The following SLX9 variants were observed in gnomAD, a reference collection of about 807,000 sequenced individuals.
SLX9 encodes ribosome biogenesis protein SLX9 homolog.
A neutral mutation model predicts 20.8 loss-of-function variants in SLX9; 19 were observed. The ratio of observed to expected loss-of-function variants is 0.91; its 90% CI spans 0.64 to 1.34. The LOEUF is 1.34. Among genes scored for constraint, SLX9 ranks in the 40% most tolerant of loss-of-function variants. SLX9 has a pLI of 0.00. For synonymous variants in SLX9, 113 were observed against 137.1 expected, an observed-to-expected ratio of 0.82 and a Z score of 1.23; for missense variants, 299 against 322.2, an observed-to-expected ratio of 0.93 and a Z score of 0.55.
intron 2 of SLX9, among the ~76,000 whole-genome samples, chr21:44,947,557 T>C (rs762783545): frequency 5.2e-5 from 7 of 134,356 alleles, no homozygotes; most frequent in Non-Finnish European, 8.9e-5. Flanking sequence ...ATCCTGTGAC[T>C]GACAAGTTCA....
At chr21:44,958,853 G>C (rs1346531375) in intron 2 of SLX9, among the ~76,000 whole-genome samples, 1 of 152,214 alleles carries the variant, frequency 6.6e-6, no homozygotes, top group African/African-American at 2.4e-5. Flanking sequence ...AGCCGGGAAG[G>C]ATCACTGTGC....
intron 3 of SLX9, among the ~76,000 whole-genome samples, chr21:44,963,863 C>A (rs1047288853): frequency 6.6e-6 from 1 of 152,210 alleles, no homozygotes; most frequent in African/African-American, 2.4e-5. Context: ...GTTGGTTCGT[C>A]TGTCTTGAGG....
upstream of SLX9, chr21:44,939,987 CG>C: frequency 7.4e-7 from 1 of 1,351,858 alleles, no homozygotes. Context: ...CTCCTGTTTC[CG>C]CCGGGCGGCG....
At chr21:44,964,343 C>CT in intron 3 of SLX9, among the ~76,000 whole-genome samples, 1 of 152,180 alleles carries the variant, frequency 6.6e-6, no homozygotes, top group Non-Finnish European at 1.5e-5. Flanking sequence ...CCTCAATTTG[C>CT]TTTTTTTCCC....
chr21:44,971,001 T>G (rs2123455509), intron 4 of SLX9, among the ~76,000 whole-genome samples: 1 of 152,254 alleles, frequency 6.6e-6, no homozygotes, highest in Middle Eastern at 3.4e-3. Context: ...GGCCCGTGTT[T>G]GGGGTCCACG....
At chr21:44,966,833 C>T (rs941774688) in intron 3 of SLX9, among the ~76,000 whole-genome samples, 23 of 152,236 alleles carry the variant, frequency 1.5e-4, no homozygotes, top group African/African-American at 2.4e-4. Flanking sequence ...GATTAAAAAG[C>T]GCAGCTCTGT....
intron 2 of SLX9, among the ~76,000 whole-genome samples, chr21:44,958,009 C>T (rs2084888101): frequency 6.6e-6 from 1 of 152,248 alleles, no homozygotes; most frequent in African/African-American, 2.4e-5. Flanking sequence ...TCTGAGTGTG[C>T]ACCCTTCTGT....
chr21:44,952,534 G>A (rs2084777759), intron 2 of SLX9, among the ~76,000 whole-genome samples: 1 of 152,230 alleles, frequency 6.6e-6, no homozygotes, highest in Non-Finnish European at 1.5e-5. Flanking sequence ...GGCCCCAGCT[G>A]CTTCAGGACC....
At chr21:44,953,960 C>T (rs2084807981) in intron 2 of SLX9, among the ~76,000 whole-genome samples, 2 of 152,348 alleles carry the variant, frequency 1.3e-5, no homozygotes, top group South Asian at 4.1e-4. Flanking sequence ...GGCGGTGGTT[C>T]TGTCTCTTGC....
chr21:44,972,374 G>A lies in SLX9; in HGVS notation c.501-823G>A, dbSNP rs143991534. Among the ~76,000 whole-genome samples, 392 of 152,330 alleles carry A rather than the reference G, an allele frequency of 2.6e-3. 7 individuals carry two copies. The highest frequency in any genetic ancestry group is 0.019 in the East Asian group (100 of 5,180). ...CGGTTAACTGAGGGTGAGAAGCTCC[G>A]CGGGCAGCCGGAGCCTGCCTGGGGT... is the stretch of plus-strand genomic sequence containing the variant. On this transcript the variant is annotated intron_variant, in intron 4 of 5. Transcript: ENST00000291634.
intron 2 of SLX9, among the ~76,000 whole-genome samples, chr21:44,949,826 T>G (rs934155730): frequency 6.6e-6 from 1 of 152,172 alleles, no homozygotes; most frequent in African/African-American, 2.4e-5. Context: ...CCCAGGTGAT[T>G]GTACCTGCTT....
chr21:44,940,149 C>T lies in SLX9; in HGVS notation c.92C>T (p.Pro31Leu), dbSNP rs974665248. 2 of 1,304,926 alleles carry T rather than the reference C, an allele frequency of 1.5e-6. No homozygotes were observed. The highest frequency in any genetic ancestry group is 2.0e-6 in the Non-Finnish European group (2 of 1,022,544). 80.8% of individuals were successfully genotyped at this position (1,304,926 alleles called of 1,614,324 possible). The stretch of plus-strand genomic sequence containing the variant: ...GCCCCCGGCCCCGCGCCCCCTGCCC[C>T]GGAGGCGACCCCTCCGCCGGCCTCG... ...EAAPGPAPPA[P>L]EATPPPASAA... The change falls in exon 1 of 6, where the codon CCG (proline) becomes CTG (leucine). Residue 31 changes from proline (P) to leucine (L), a missense_variant. By Grantham distance (98) the Pro-to-Leu change is moderately conservative. Coordinates refer to ENST00000291634, the MANE Select transcript of SLX9 (RefSeq NM_058190.4).
intron 2 of SLX9, among the ~76,000 whole-genome samples, chr21:44,959,586 G>A (rs558659145): frequency 4.0e-4 from 61 of 152,334 alleles, no homozygotes; most frequent in African/African-American, 1.5e-3. Flanking sequence ...TGAGAGGGCC[G>A]CTTTGTGGGG....
intron 5 of SLX9, among the ~76,000 whole-genome samples, chr21:44,975,340 G>A (rs2085242208): frequency 6.6e-6 from 1 of 152,240 alleles, no homozygotes; most frequent in South Asian, 2.1e-4. Flanking sequence ...TTTCTCTCAG[G>A]TGGGAGGCCC....
At chr21:44,945,567 C>T (rs572915822) in intron 2 of SLX9, among the ~76,000 whole-genome samples, 3 of 152,374 alleles carry the variant, frequency 2.0e-5, no homozygotes, top group African/African-American at 4.8e-5. Context: ...GGAGACGTCA[C>T]GCTCACGACC....
At chr21:44,953,411 G>A (rs915125932) in intron 2 of SLX9, among the ~76,000 whole-genome samples, 1 of 152,000 alleles carries the variant, frequency 6.6e-6, no homozygotes, top group Non-Finnish European at 1.5e-5. Context: ...ACGCCTCTAG[G>A]TGAGCAGCAC....
In SLX9 at chr21:44,947,438, C is replaced by A. The variant is rs116372627; in HGVS notation, c.283+3601C>A. On this transcript the variant is annotated intron_variant, in intron 2 of 5. Transcript: ENST00000291634. ...GAGGGGTCTAGGCTGTGGCCCATCA[C>A]CTGGTGGACACCCGTGTGCCCATCT... Among the ~76,000 whole-genome samples the A allele has an allele frequency of 2.9e-3, 437 of 152,308 alleles. 4 individuals carry two copies. Among genetic ancestry groups the A allele is most frequent in the African/African-American group, 0.01 (427 of 41,548 alleles).
chr21:44,959,164 C>T, intron 2 of SLX9: 1 of 977,034 alleles, frequency 1.0e-6, no homozygotes. Flanking sequence ...GTCTGAAATG[C>T]AGAGCGCAGC....
chr21:44,950,519 C>T (rs915618833), intron 2 of SLX9, among the ~76,000 whole-genome samples: 3 of 152,176 alleles, frequency 2.0e-5, no homozygotes, highest in Admixed American at 6.5e-5. Context: ...AGAGTGTGGC[C>T]GTGCCAGCCG....
Sources: allele counts gnomAD v4.1 joint callset (sites outside exome capture counted in the v4.1 genomes callset), GRCh38; gene constraint gnomAD v4.1.1; transcripts MANE v1.5; gene names NCBI Gene and HGNC (gene_info 2026-07-23, HGNC 2026-07-21).